Variants in ADGRL3 observed in about 807,000 individuals in gnomAD.
ADGRL3 encodes the protein adhesion G protein-coupled receptor L3, also known as calcium-independent alpha-latrotoxin receptor 3.
A neutral mutation model predicts 153.5 loss-of-function variants in ADGRL3; 62 were observed. The observed-to-expected ratio is 0.40, with a 90% CI of 0.33 to 0.50. The LOEUF is 0.50. Ranked by LOEUF, ADGRL3 falls within the 20% of genes least tolerant of loss-of-function variation. The probability of loss-of-function intolerance (pLI) is 0.47; values close to 1 mark genes in which losing one functional copy is unlikely to be tolerated. For missense variants in ADGRL3, 1,641 were observed against 1,859.4 expected, an observed-to-expected ratio of 0.88 and a Z score of 2.16; for synonymous variants, 710 against 672.5, an observed-to-expected ratio of 1.06 and a Z score of -0.86.
Position 61,818,307 on chromosome 4 carries a change from C to T in ADGRL3, c.1480+4418C>T, listed in dbSNP as rs1255089963. 3.3e-5 allele frequency among the ~76,000 whole-genome samples: 5 copies of T among 152,178 alleles called. 1 individual carries two copies. On this transcript the variant is annotated intron_variant, in intron 9 of 26. Coordinates refer to ENST00000683033, the MANE Select transcript of ADGRL3 (RefSeq NM_001387552.1). ...TCATTAAACCTTAAAGCTCCTTTGC[C>T]TCCATGTCTCACATCCAGGTTACAC...
intron 1 of ADGRL3, among the ~76,000 whole-genome samples, chr4:61,263,481 A>T (rs2092671676): frequency 6.7e-6 from 1 of 150,230 alleles, no homozygotes; most frequent in African/African-American, 2.4e-5. Context: ...AAAGACCCTG[A>T]AAAAGTCTCA....
At chr4:61,345,080 G>C (rs2095874286) in intron 1 of ADGRL3, among the ~76,000 whole-genome samples, 1 of 151,876 alleles carries the variant, frequency 6.6e-6, no homozygotes, top group African/African-American at 2.4e-5. Flanking sequence ...TTACAGGCGT[G>C]AGACATCACG....
At chr4:61,310,735 T>G (rs1464689126) in intron 1 of ADGRL3, among the ~76,000 whole-genome samples, 1 of 151,340 alleles carries the variant, frequency 6.6e-6, no homozygotes, top group African/African-American at 2.4e-5. Flanking sequence ...AAGATCAGTT[T>G]TTTTTTTTTT....
At chr4:61,450,635 TA>T (rs2097662401) in intron 2 of ADGRL3, among the ~76,000 whole-genome samples, 1 of 152,164 alleles carries the variant, frequency 6.6e-6, no homozygotes, top group Non-Finnish European at 1.5e-5. Flanking sequence ...TGCAGTTGCT[TA>T]TTATTGAAAT....
At chr4:61,490,149 C>G (rs2098242255) in intron 2 of ADGRL3, among the ~76,000 whole-genome samples, 2 of 152,206 alleles carry the variant, frequency 1.3e-5, no homozygotes, top group East Asian at 3.9e-4. Context: ...TCTTCCTCCA[C>G]CTACTGTTGA....
At chr4:61,776,362 T>G (rs2152341810) in intron 8 of ADGRL3, among the ~76,000 whole-genome samples, 1 of 152,342 alleles carries the variant, frequency 6.6e-6, no homozygotes, top group South Asian at 2.1e-4. Context: ...TTCTTTATTT[T>G]ATTTTTTTTA....
At chr4:61,919,813 T>G (rs1433218138) in intron 13 of ADGRL3, among the ~76,000 whole-genome samples, 1 of 152,166 alleles carries the variant, frequency 6.6e-6, no homozygotes, top group Admixed American at 6.5e-5. Context: ...TGTGTCAGGT[T>G]AGATAGAAAT....
intron 1 of ADGRL3, among the ~76,000 whole-genome samples, chr4:61,280,766 AGAATTAAT>A (rs1249170470): frequency 2.6e-5 from 4 of 152,208 alleles, no homozygotes; most frequent in Admixed American, 2.0e-4. Flanking sequence ...GCAAGATATT[AGAATTAAT>A]TTGTATGTCT....
chr4:61,431,576 G>A (rs1048458736), intron 2 of ADGRL3, among the ~76,000 whole-genome samples: 1 of 152,000 alleles, frequency 6.6e-6, no homozygotes, highest in African/African-American at 2.4e-5. Flanking sequence ...TAAAAGTGTT[G>A]GGCAGAGAAC....
chr4:61,954,337 A>C (rs1172856024), intron 17 of ADGRL3, among the ~76,000 whole-genome samples: 1 of 150,232 alleles, frequency 6.7e-6, no homozygotes, highest in Non-Finnish European at 1.5e-5. Context: ...CTAGGTTTAA[A>C]CCTCTATCAT....
At position 61,490,917 on chromosome 4, in the gene ADGRL3, G is replaced by A. The variant is rs76254641; in HGVS notation, c.-173-6204G>A. Among the ~76,000 whole-genome samples, 1,040 of 152,270 alleles carry A rather than the reference G, an allele frequency of 6.8e-3. 12 individuals carry two copies. Among genetic ancestry groups the A allele is most frequent in the African/African-American group, 0.024 (981 of 41,560 alleles). ...AGAAAACCTTAAAGGAGAAGCATAT[G>A]TGTAGGTTTCAGACATTGTAAATTA... is the stretch of plus-strand genomic sequence containing the variant. On this transcript the variant is annotated intron_variant, in intron 2 of 26. Transcript: ENST00000683033.
intron 18 of ADGRL3, among the ~76,000 whole-genome samples, chr4:61,980,798 G>A (rs2099065594): frequency 6.6e-6 from 1 of 152,020 alleles, no homozygotes; most frequent in South Asian, 2.1e-4. Context: ...TTTTTGACTT[G>A]ATAGCTTATT....
chr4:61,618,923 C>A (rs2092286838), intron 5 of ADGRL3, among the ~76,000 whole-genome samples: 1 of 152,054 alleles, frequency 6.6e-6, no homozygotes, highest in Non-Finnish European at 1.5e-5. Context: ...TTCTATGTTG[C>A]CCAGACTGGT....
chr4:61,763,756 A>C (rs143361821), intron 8 of ADGRL3, among the ~76,000 whole-genome samples: 9 of 152,308 alleles, frequency 5.9e-5, no homozygotes, highest in Non-Finnish European at 1.3e-4. Flanking sequence ...ATATACATAT[A>C]TATATAATTT....
chr4:62,019,002 T>TG (rs2151352941), intron 21 of ADGRL3, among the ~76,000 whole-genome samples: 1 of 152,256 alleles, frequency 6.6e-6, no homozygotes, highest in Non-Finnish European at 1.5e-5. Flanking sequence ...CCTGGACTCT[T>TG]ATCAGTGGAG....
intron 4 of ADGRL3, among the ~76,000 whole-genome samples, chr4:61,520,098 G>A (rs1337770293): frequency 6.6e-6 from 1 of 152,102 alleles, no homozygotes; most frequent in Non-Finnish European, 1.5e-5. Flanking sequence ...GAGAGTTAAT[G>A]AGTATTTGGA....
At chr4:61,671,888 A>C (rs1156927832) in intron 5 of ADGRL3, among the ~76,000 whole-genome samples, 1 of 152,128 alleles carries the variant, frequency 6.6e-6, no homozygotes, top group Non-Finnish European at 1.5e-5. Context: ...GATTACTGAG[A>C]GTCTGAAAAG....
intron 6 of ADGRL3, among the ~76,000 whole-genome samples, chr4:61,691,918 A>G (rs1357552553): frequency 6.6e-6 from 1 of 152,118 alleles, no homozygotes; most frequent in African/African-American, 2.4e-5. Context: ...ATGCAAATTA[A>G]TCATTAAACA....
intron 2 of ADGRL3, among the ~76,000 whole-genome samples, chr4:61,395,615 A>G (rs1305791689): frequency 2.6e-5 from 4 of 152,116 alleles, no homozygotes; most frequent in Admixed American, 1.3e-4. Context: ...TTACATGACA[A>G]ATATAATAAA....
Sources: gnomAD v4.1 joint callset for allele counts (sites outside exome capture counted in the v4.1 genomes callset) on GRCh38, gnomAD v4.1.1 for gene constraint, MANE v1.5 for transcripts, NCBI Gene and HGNC (gene_info 2026-07-23, HGNC 2026-07-21) for gene names.